ENTPD1: variants seen among roughly 807,000 people sequenced by gnomAD.
The protein encoded by ENTPD1 is ectonucleoside triphosphate diphosphohydrolase 1, also known as ATP diphosphohydrolase.
Under a neutral mutation model 57.0 loss-of-function variants are expected in ENTPD1, and 33 were observed. That is an observed-to-expected ratio of 0.58 (90% CI 0.44 to 0.77). The LOEUF is 0.77. ENTPD1 is among the 30% of genes least tolerant of loss of function. The pLI is 0.00. For missense variants in ENTPD1, 501 were observed against 603.4 expected, an observed-to-expected ratio of 0.83 and a Z score of 1.78; for synonymous variants, 202 against 218.8, an observed-to-expected ratio of 0.92 and a Z score of 0.68.
At chr10:95,819,546 C>T (rs1052494360) in intron 1 of ENTPD1, among the ~76,000 whole-genome samples, 9 of 152,076 alleles carry the variant, frequency 5.9e-5, no homozygotes, top group African/African-American at 2.2e-4. Context: ...TCAAAAGAAC[C>T]TTTGCTTCCT....
In ENTPD1 at chr10:95,799,893, G is replaced by A. The variant is rs1372789197; in HGVS notation, c.17-23344G>A. The stretch of plus-strand genomic sequence containing the variant: ...TTCCTCTAATGATCAGTGATGTTGA[G>A]CTTTTTTTATATGATTGTTGGCCAC... On this transcript the variant is annotated intron_variant, in intron 1 of 9. Transcript: ENST00000371205. 3.3e-5 allele frequency among the ~76,000 whole-genome samples: 5 copies of A among 152,244 alleles called. No individual in the cohort carries two copies. In the East Asian group the frequency reaches 7.7e-4, roughly 23 times the overall value.
At chr10:95,858,155 TC>T (rs2098458826) in intron 7 of ENTPD1, among the ~76,000 whole-genome samples, 2 of 114,356 alleles carry the variant, frequency 1.7e-5, no homozygotes, top group Non-Finnish European at 1.7e-5. Context: ...AGACTCCATC[TC>T]AAAAAAAAAA....
the ENTPD1 span, among the ~76,000 whole-genome samples, chr10:95,695,429 T>G: frequency 2.6e-5 from 4 of 152,236 alleles, no homozygotes; most frequent in African/African-American, 9.6e-5. Flanking sequence ...TTACCTAAAA[T>G]CTGGTCAACA....
chr10:95,872,376 C>T lies in ENTPD1; in HGVS notation c.*5993C>T. The T allele has an allele frequency of 2.8e-5, 28 of 985,410 alleles. No homozygotes were observed. Among genetic ancestry groups the T allele is most frequent in the Non-Finnish European group, 3.4e-5 (28 of 829,916 alleles). The allele number at this position is 985,410 out of a possible 1,614,324, so 61.0% of individuals were successfully genotyped here. A position where few individuals can be genotyped will look rare whatever the true frequency, so the allele number is the denominator to read the frequency against. Reference sequence around the variant, plus strand: ...CACTCCACTCCTCTGATGTTTCCTACACTACACTACACTATACTACACTAC... The same window carrying T: ...CACTCCACTCCTCTGATGTTTCCTATACTACACTACACTATACTACACTAC... On this transcript the variant is annotated 3_prime_UTR_variant, in exon 10 of 10. Coordinates refer to ENST00000371205, the MANE Select transcript of ENTPD1 (RefSeq NM_001776.6).
At chr10:95,817,486 T>C (rs1231217901) in intron 1 of ENTPD1, among the ~76,000 whole-genome samples, 1 of 152,190 alleles carries the variant, frequency 6.6e-6, no homozygotes, top group Non-Finnish European at 1.5e-5. Context: ...AAGCATAGAT[T>C]ATATGAATGA....
chr10:95,842,785 G>A (rs1566225178), intron 4 of ENTPD1, among the ~76,000 whole-genome samples: 2 of 152,132 alleles, frequency 1.3e-5, no homozygotes, highest in African/African-American at 4.8e-5. Flanking sequence ...ATACTCTGGG[G>A]TTTGGGGCTA....
intron 5 of ENTPD1, 47 bp from the exon 6 acceptor site, chr10:95,845,310 C>T (rs754768232): frequency 1.4e-5 from 23 of 1,613,290 alleles, no homozygotes; most frequent in South Asian, 4.4e-5. Flanking sequence ...CTATGAAAAG[C>T]AGGGTGTCCA....
At chr10:95,710,388 G>A (rs545488742), upstream of ENTPD1, among the ~76,000 whole-genome samples, 1 of 152,244 alleles carries the variant, frequency 6.6e-6, no homozygotes, top group Admixed American at 6.5e-5. Context: ...TTGGGCAACA[G>A]AGCCAGACTG....
Position 95,866,553 on chromosome 10 carries a change from T to C in ENTPD1, c.*170T>C, listed in dbSNP as rs1007532120. On this transcript the variant is annotated 3_prime_UTR_variant, in exon 10 of 10. Transcript: ENST00000371205. The stretch of plus-strand genomic sequence containing the variant: ...GCCTTTCTTTTGGAGGTATTCAATA[T>C]CCTTTGCCTCAAGGACTTCGGCAGA... 2.0e-6 allele frequency: 3 copies of C among 1,488,944 alleles called. No homozygotes were observed. Among genetic ancestry groups the C allele is most frequent in the East Asian group, 5.0e-5 (2 of 40,132 alleles). 92.2% of individuals were successfully genotyped at this position (1,488,944 alleles called of 1,614,324 possible).
chr10:95,771,228 A>C (rs2098114935), intron 1 of ENTPD1, among the ~76,000 whole-genome samples: 1 of 152,124 alleles, frequency 6.6e-6, no homozygotes, highest in Non-Finnish European at 1.5e-5. Flanking sequence ...TGTCTATTTA[A>C]CCATTTCCTT....
chr10:95,871,189 AT>A lies in ENTPD1; in HGVS notation c.*4808del, dbSNP rs2098480019. ...AGTCATATGGCCAAGGCCATGAGTG[AT>A]TAATTTTAACACAGGAAAAAAGTAA... On this transcript the variant is annotated 3_prime_UTR_variant, in exon 10 of 10. Coordinates refer to ENST00000371205, the MANE Select transcript of ENTPD1 (RefSeq NM_001776.6). 15 of 985,508 alleles carry A rather than the reference AT, an allele frequency of 1.5e-5. No homozygotes were observed. The highest frequency in any genetic ancestry group is 1.7e-5 in the Non-Finnish European group (14 of 829,944). 61.0% of individuals were successfully genotyped at this position (985,508 alleles called of 1,614,324 possible). A position where few individuals can be genotyped will look rare whatever the true frequency, so the allele number is the denominator to read the frequency against.
At chr10:95,836,140 T>C (rs1168518319) in intron 2 of ENTPD1, among the ~76,000 whole-genome samples, 3 of 152,234 alleles carry the variant, frequency 2.0e-5, no homozygotes, top group Non-Finnish European at 4.4e-5. Flanking sequence ...GCTGTAAGTG[T>C]ATGGCTTTAT....
chr10:95,818,399 C>A (rs1183905081), intron 1 of ENTPD1, among the ~76,000 whole-genome samples: 2 of 152,114 alleles, frequency 1.3e-5, no homozygotes, highest in African/African-American at 4.8e-5. Context: ...CTAGGTAGAC[C>A]AGTGTAGCTT....
At chr10:95,843,359 G>A (rs1271943564) in intron 4 of ENTPD1, 2 of 152,326 alleles carry the variant, frequency 1.3e-5, no homozygotes, top group South Asian at 2.1e-4. Context: ...ATAGATAGAA[G>A]ATAGGTAAGT....
At chr10:95,708,220 T>A (rs2139797869), upstream of ENTPD1, among the ~76,000 whole-genome samples, 2 of 5,020 alleles carry the variant, frequency 4.0e-4, no homozygotes, top group African/African-American at 6.0e-4. Context: ...TTTATTTTAT[T>A]TTTTTTTTTT....
intron 2 of ENTPD1, among the ~76,000 whole-genome samples, chr10:95,831,024 T>TC (rs1435016338): frequency 6.6e-6 from 1 of 152,126 alleles, no homozygotes; most frequent in Admixed American, 6.5e-5. Flanking sequence ...GAGGCCAGAA[T>TC]TAAGGCATTG....
chr10:95,842,170 C>T (rs1332353301), intron 3 of ENTPD1, among the ~76,000 whole-genome samples, 174 bp from the exon 4 acceptor site: 1 of 152,154 alleles, frequency 6.6e-6, no homozygotes, highest in Non-Finnish European at 1.5e-5. Flanking sequence ...AAATTAAATC[C>T]TCTCAAGGCT....
intron 1 of ENTPD1, among the ~76,000 whole-genome samples, chr10:95,714,987 A>C (rs973087976): frequency 2.0e-5 from 3 of 152,220 alleles, no homozygotes. Flanking sequence ...AAGAATCGTT[A>C]AGTTTTCACT....
chr10:95,792,768 T>G (rs2098210345), intron 1 of ENTPD1, among the ~76,000 whole-genome samples: 1 of 152,176 alleles, frequency 6.6e-6, no homozygotes, highest in African/African-American at 2.4e-5. Context: ...AACAGTGGCC[T>G]CCTATAATTT....
Sources: allele counts gnomAD v4.1 joint callset (sites outside exome capture counted in the v4.1 genomes callset), GRCh38; gene constraint gnomAD v4.1.1; transcripts MANE v1.5; gene names NCBI Gene and HGNC (gene_info 2026-07-23, HGNC 2026-07-21).